CCNT2: variants seen among roughly 807,000 people sequenced by gnomAD.
The protein encoded by CCNT2 is cyclin-T2.
Under a neutral mutation model 70.0 loss-of-function variants are expected in CCNT2, and 18 were observed. That is an observed-to-expected ratio of 0.26 (90% CI 0.18 to 0.38). CCNT2 has a LOEUF of 0.38. CCNT2 is among the 10% of genes least tolerant of loss of function. CCNT2 has a pLI of 1.00. For missense variants in CCNT2, 734 were observed against 890.2 expected (o/e 0.82, Z 2.23); for synonymous variants, 334 against 313.3 (o/e 1.07, Z -0.70).
intron 2 of CCNT2, among the ~76,000 whole-genome samples, chr2:134,935,524 T>A (rs1681083013): frequency 6.6e-6 from 1 of 152,216 alleles, no homozygotes; most frequent in African/African-American, 2.4e-5. Context: ...TGTACGGTAA[T>A]TGTTGACGCC....
At chr2:134,951,392 T>A (rs1260234581) in intron 7 of CCNT2, among the ~76,000 whole-genome samples, 1 of 152,166 alleles carries the variant, frequency 6.6e-6, no homozygotes, top group Non-Finnish European at 1.5e-5. Context: ...ATTAATGACA[T>A]TATTAGTTCA....
At position 134,955,475 on chromosome 2, in the gene CCNT2, A is replaced by G. The variant is rs1303216520; in HGVS notation, c.*827A>G. ...TAAAGTTTACATACTCTTGATGTGA[A>G]GTGCATTTAAATGTTTGTTGGCTTG... is the stretch of plus-strand genomic sequence containing the variant. On this transcript the variant is annotated 3_prime_UTR_variant, in exon 9 of 9. Transcript: ENST00000264157. 1.3e-5 allele frequency: 2 copies of G among 152,784 alleles called. No individual in the cohort carries two copies. The highest frequency in any genetic ancestry group is 3.4e-3 in the Middle Eastern group (1 of 294). 9.5% of individuals were successfully genotyped at this position (152,784 alleles called of 1,614,324 possible).
intron 2 of CCNT2, among the ~76,000 whole-genome samples, chr2:134,930,503 C>T (rs780841435): frequency 1.3e-5 from 2 of 152,058 alleles, no homozygotes; most frequent in African/African-American, 2.4e-5. Flanking sequence ...TCATTTCTTA[C>T]GGGTGAGAGT....
At chr2:134,945,890 T>C (rs1199741843) in intron 5 of CCNT2, 2 of 1,516,598 alleles carry the variant, frequency 1.3e-6, no homozygotes, top group Non-Finnish European at 1.8e-6. Context: ...GTTTCTCAGA[T>C]CTTTGGGGGA....
In CCNT2 at chr2:134,953,281, C is replaced by G. The variant is rs775871224; in HGVS notation, c.826C>G (p.Pro276Ala). 3.8e-5 allele frequency: 61 copies of G among 1,613,862 alleles called. No individual in the cohort carries two copies. Among genetic ancestry groups the G allele is most frequent in the Non-Finnish European group, 4.2e-6 (5 of 1,179,904 alleles). ...AGTAGATGGACAGGTATCAGAGACA[C>G]CACTTCTTGGTTCATCTTTGGTCCA... ...PKVDGQVSET[P>A]LLGSSLVQNS... The change falls in exon 9 of 9, where the codon CCA becomes GCA. Residue 276 changes from proline to alanine, a missense_variant. Around this residue, in one of 3 missense-constraint regions of CCNT2, gnomAD observed 532 missense variants for 556.9 expected, o/e 0.96. Transcript: ENST00000264157.
chr2:134,924,391 C>T (rs1680126910), intron 2 of CCNT2, among the ~76,000 whole-genome samples: 1 of 152,268 alleles, frequency 6.6e-6, no homozygotes, highest in East Asian at 1.9e-4. Context: ...CCAACTACCC[C>T]GGAATGTCTC....
intron 5 of CCNT2, chr2:134,944,773 T>C (rs1456896582): frequency 1.0e-6 from 1 of 985,300 alleles, no homozygotes; most frequent in Non-Finnish European, 1.2e-6. Context: ...CTTTGCTCTT[T>C]TACAACTTTT....
chr2:134,938,889 A>G, intron 3 of CCNT2, 113 bp from the exon 4 acceptor site: 1 of 619,290 alleles, frequency 1.6e-6, no homozygotes, highest in Non-Finnish European at 2.8e-6. Flanking sequence ...CATATTTTCA[A>G]ACTACTGTGG....
chr2:134,926,541 G>A (rs1680313677), intron 2 of CCNT2, among the ~76,000 whole-genome samples: 2 of 152,162 alleles, frequency 1.3e-5, no homozygotes, highest in South Asian at 4.1e-4. Flanking sequence ...AATCCTTACT[G>A]TAGGTCTCTT....
chr2:134,939,115 C>T, intron 4 of CCNT2, 53 bp downstream of exon 4: 1 of 1,129,490 alleles, frequency 8.9e-7, no homozygotes, highest in Non-Finnish European at 1.3e-6. Context: ...CTAAAGCATT[C>T]TAAATAAGTG....
rs969319453 is a variant in CCNT2, at chr2:134,919,332, C to G, written c.158+320C>G. Among the ~76,000 whole-genome samples, 3 of 152,304 alleles carry G rather than the reference C, an allele frequency of 2.0e-5. No homozygotes were observed. In the East Asian group the frequency reaches 5.8e-4, roughly 29 times the overall value. On this transcript the variant is annotated intron_variant, in intron 1 of 8. Coordinates refer to ENST00000264157, the MANE Select transcript of CCNT2 (RefSeq NM_058241.3). ...ATTATTGCAGAAAAGGGGCGGCTCC[C>G]TGGACTTGTCCCTGACCCCGAAGGG...
In CCNT2 at chr2:134,920,247, A is replaced by G. The variant is rs45446991; in HGVS notation, c.240+356A>G. ...GGCAAGCCTGGTCGTTCTGTGATACATCTTAATTATGTTGGACTCATTGTT... is the reference window on the plus strand; with the variant it reads ...GGCAAGCCTGGTCGTTCTGTGATACGTCTTAATTATGTTGGACTCATTGTT... On this transcript the variant is annotated intron_variant, in intron 2 of 8. Coordinates refer to ENST00000264157, the MANE Select transcript of CCNT2 (RefSeq NM_058241.3). 267 of 161,240 alleles carry G rather than the reference A, an allele frequency of 1.7e-3. 3 individuals carry two copies. The East Asian group carries it at 0.044, about 26-fold the overall frequency. The allele number at this position is 161,240 out of a possible 1,614,324, so 10.0% of individuals were successfully genotyped here.
chr2:134,936,445 G>GC (rs34127713), intron 2 of CCNT2, among the ~76,000 whole-genome samples: 49 of 151,506 alleles, frequency 3.2e-4, no homozygotes, highest in South Asian at 1.7e-3. Flanking sequence ...TTGCACACCC[G>GC]CCCCCCCTTA....
chr2:134,919,792 C>T lies in CCNT2; in HGVS notation c.159-18C>T. The T allele has an allele frequency of 9.5e-6, 15 of 1,585,394 alleles. No homozygotes were observed. Among genetic ancestry groups the T allele is most frequent in the East Asian group, 2.3e-5 (1 of 43,992 alleles). ...AGATCTTGCTTTTGTCAGATATTTCCTAAATATTACGTTCCAGCTCTCAGC... is the reference window on the plus strand; with the variant it reads ...AGATCTTGCTTTTGTCAGATATTTCTTAAATATTACGTTCCAGCTCTCAGC... On this transcript the variant is annotated intron_variant, in intron 1 of 8. Transcript: ENST00000264157.
rs187188852 is a variant in CCNT2 at position 134,957,232 on chromosome 2, T to C, written c.*2584T>C. On this transcript the variant is annotated 3_prime_UTR_variant, in exon 9 of 9. Coordinates refer to ENST00000264157, the MANE Select transcript of CCNT2 (RefSeq NM_058241.3). Reference sequence around the variant, plus strand: ...ATTAGGCTCTACCAAAGAAAGACTCTGATGAGTGGACATTATTACTGTGAC... The same window carrying C: ...ATTAGGCTCTACCAAAGAAAGACTCCGATGAGTGGACATTATTACTGTGAC... 1 of 152,314 alleles carries C rather than the reference T, an allele frequency of 6.6e-6. No homozygotes were observed. Among genetic ancestry groups the C allele is most frequent in the East Asian group, 1.9e-4 (1 of 5,192 alleles). 9.4% of individuals were successfully genotyped at this position (152,314 alleles called of 1,614,324 possible).
chr2:134,921,697 A>G (rs920296215), intron 2 of CCNT2, among the ~76,000 whole-genome samples: 11 of 152,118 alleles, frequency 7.2e-5, no homozygotes, highest in African/African-American at 2.7e-4. Context: ...ATTTGTCTTT[A>G]TGGCGTGGTT....
intron 8 of CCNT2, 118 bp downstream of exon 8, chr2:134,952,829 T>C (rs1682624873): frequency 1.4e-6 from 1 of 718,878 alleles, no homozygotes; most frequent in Non-Finnish European, 2.4e-6. Context: ...TAATTCAACG[T>C]ATCTCAAGTT....
chr2:134,943,749 T>C (rs1681743369), intron 5 of CCNT2: 2 of 985,168 alleles, frequency 2.0e-6, no homozygotes, highest in South Asian at 4.7e-5. Context: ...ACTTCCACTT[T>C]CCTGTTTCCA....
intron 2 of CCNT2, 82 bp downstream of exon 2, chr2:134,919,973 T>C: frequency 1.1e-6 from 1 of 882,302 alleles, no homozygotes; most frequent in South Asian, 1.4e-5. Context: ...CATTGCGTTG[T>C]TGGATTTAGT....
Sources: allele counts gnomAD v4.1 joint callset (sites outside exome capture counted in the v4.1 genomes callset), GRCh38; gene constraint gnomAD v4.1.1; regional missense constraint gnomAD v4.1.1; transcripts MANE v1.5; gene names NCBI Gene and HGNC (gene_info 2026-07-23, HGNC 2026-07-21).